The following NAA11 variants were observed in gnomAD, a reference collection of about 807,000 sequenced individuals.
NAA11 encodes N-alpha-acetyltransferase 11.
In NAA11, 15 loss-of-function variants were observed where a neutral mutation model predicts 16.1. The observed-to-expected ratio is 0.93, with a 90% CI of 0.62 to 1.44. The LOEUF is 1.44. Ranked by LOEUF, NAA11 falls within the 40% of genes most tolerant of loss-of-function variation. The pLI is 0.00. For synonymous variants in NAA11, 122 were observed against 112.4 expected, an observed-to-expected ratio of 1.09 and a Z score of -0.54; for missense variants, 298 against 291.3, an observed-to-expected ratio of 1.02 and a Z score of -0.17.
At chr4:79,312,233 C>A (rs1723791543), downstream of NAA11, among the ~76,000 whole-genome samples, 1 of 152,178 alleles carries the variant, frequency 6.6e-6, no homozygotes, top group Admixed American at 6.5e-5. Flanking sequence ...AATTTGTGTA[C>A]CAGCTTTCAG....
the NAA11 span, among the ~76,000 whole-genome samples, chr4:79,220,635 G>A: frequency 6.6e-6 from 1 of 151,696 alleles, no homozygotes; most frequent in African/African-American, 2.4e-5. Context: ...TCTATAATAC[G>A]CATAAAATAT....
chr4:79,234,804 C>T (rs1454606355), intron 2 of NAA11, among the ~76,000 whole-genome samples: 1 of 151,970 alleles, frequency 6.6e-6, no homozygotes, highest in Admixed American at 6.6e-5. Context: ...ATGTTATGAA[C>T]ACCATTAATC....
chr4:79,250,306 G>A (rs542610491), intron 2 of NAA11, among the ~76,000 whole-genome samples: 22 of 152,342 alleles, frequency 1.4e-4, no homozygotes, highest in Middle Eastern at 3.4e-3. Flanking sequence ...CCAGGGAGCC[G>A]AGAGGCCACG....
chr4:79,180,682 A>G, the NAA11 span, among the ~76,000 whole-genome samples: 5 of 152,176 alleles, frequency 3.3e-5, no homozygotes, highest in African/African-American at 7.2e-5. Flanking sequence ...CGATTCCTCA[A>G]GGATCTAGAA....
intron 2 of NAA11, among the ~76,000 whole-genome samples, chr4:79,262,167 A>G (rs2867609): frequency 0.013 from 1,940 of 152,312 alleles, 45 homozygotes; most frequent in African/African-American, 0.044. Context: ...CATGAAAAGT[A>G]TAATTTCCAA....
At chr4:79,244,638 C>CCCCCTCCCCCTCCCCATCTCCCATCT (rs60096999) in intron 2 of NAA11, 1 of 44,334 alleles carries the variant, frequency 2.3e-5, no homozygotes, top group African/African-American at 5.7e-5. Context: ...CCCTCCCCCT[C>CCCCCTCCCCCTCCCCATCTCCCATCT]CCCGTCTCCG....
At position 79,317,744 on chromosome 4, in the gene NAA11, G is replaced by A. The variant is rs1456425643; in HGVS notation, c.*60C>T. ...AGATGCTGCAGAGCAGACAGACTAA[G>A]CCAGGGTTCACAGAGTAGATGTGGT... On this transcript the variant is annotated 3_prime_UTR_variant, in exon 2 of 2. Transcript: ENST00000286794. The A allele has an allele frequency of 6.6e-6, 1 of 152,316 alleles. No individual in the cohort carries two copies. The highest frequency in any genetic ancestry group is 1.9e-4 in the East Asian group (1 of 5,206). The allele number at this position is 152,316 out of a possible 1,614,324, so 9.4% of individuals were successfully genotyped here.
chr4:79,161,679 T>G, the NAA11 span, among the ~76,000 whole-genome samples: 25 of 116,132 alleles, frequency 2.2e-4, no homozygotes, highest in Middle Eastern at 4.1e-3. Context: ...TTTTACTTAG[T>G]TTTTTTTTTT....
intron 1 of NAA11, among the ~76,000 whole-genome samples, chr4:79,318,540 T>C (rs1457939557): frequency 6.6e-6 from 1 of 152,236 alleles, no homozygotes; most frequent in African/African-American, 2.4e-5. Flanking sequence ...CTGACTATTA[T>C]GCACAGAGCA....
chr4:79,184,302 A>G, the NAA11 span, among the ~76,000 whole-genome samples: 6 of 152,220 alleles, frequency 3.9e-5, no homozygotes, highest in Admixed American at 3.9e-4. Flanking sequence ...AGGTTTTAAA[A>G]ATATGCTGAA....
the NAA11 span, among the ~76,000 whole-genome samples, chr4:79,169,503 G>A: frequency 6.6e-6 from 1 of 152,002 alleles, no homozygotes; most frequent in East Asian, 1.9e-4. Context: ...CAAGCAATGG[G>A]GAAAATATTC....
At chr4:79,213,434 G>T in the NAA11 span, among the ~76,000 whole-genome samples, 1 of 151,818 alleles carries the variant, frequency 6.6e-6, no homozygotes, top group Non-Finnish European at 1.5e-5. Context: ...TATAAATTCA[G>T]ATTTGGAAAA....
intron 2 of NAA11, among the ~76,000 whole-genome samples, chr4:79,256,291 A>G (rs990372705): frequency 2.0e-5 from 3 of 152,266 alleles, no homozygotes; most frequent in Non-Finnish European, 2.9e-5. Context: ...TTTAAGAACT[A>G]CAGTAATTTC....
At chr4:79,237,479 A>G (rs1721596400) in intron 2 of NAA11, among the ~76,000 whole-genome samples, 1 of 152,182 alleles carries the variant, frequency 6.6e-6, no homozygotes, top group Non-Finnish European at 1.5e-5. Context: ...CTATTTTTAT[A>G]AAAAGCTTTA....
chr4:79,218,596 A>G, the NAA11 span, among the ~76,000 whole-genome samples: 1 of 152,100 alleles, frequency 6.6e-6, no homozygotes, highest in Non-Finnish European at 1.5e-5. Context: ...TCAGGAGTAT[A>G]AAAGTGAAAT....
At chr4:79,220,857 GCT>G (rs1333375169), downstream of NAA11, among the ~76,000 whole-genome samples, 2 of 152,032 alleles carry the variant, frequency 1.3e-5, no homozygotes, top group African/African-American at 4.8e-5. Flanking sequence ...GGCGATGTGG[GCT>G]CTTTTTTGGT....
intron 2 of NAA11, among the ~76,000 whole-genome samples, chr4:79,281,975 G>A (rs1722802992): frequency 6.6e-6 from 1 of 152,112 alleles, no homozygotes; most frequent in Non-Finnish European, 1.5e-5. Flanking sequence ...AGTGATTTGA[G>A]GAACTTGAAA....
the NAA11 span, among the ~76,000 whole-genome samples, chr4:79,166,271 T>C: frequency 6.6e-6 from 1 of 152,134 alleles, no homozygotes; most frequent in Non-Finnish European, 1.5e-5. Flanking sequence ...TATACACCTA[T>C]GTTCTATTGT....
chr4:79,235,501 T>C (rs1278529019), intron 2 of NAA11, among the ~76,000 whole-genome samples: 1 of 152,160 alleles, frequency 6.6e-6, no homozygotes, highest in Admixed American at 6.6e-5. Flanking sequence ...CACATGGAGA[T>C]ATTTACCTGT....
Sources: allele counts gnomAD v4.1 joint callset (sites outside exome capture counted in the v4.1 genomes callset), GRCh38; gene constraint gnomAD v4.1.1; transcripts MANE v1.5; gene names NCBI Gene and HGNC (gene_info 2026-07-23, HGNC 2026-07-21).